DIAPH1: variants seen among roughly 807,000 people sequenced by gnomAD.
The protein encoded by DIAPH1 is diaphanous related formin 1, also known as protein diaphanous homolog 1.
Under a neutral mutation model 140.7 loss-of-function variants are expected in DIAPH1, and 46 were observed. The ratio of observed to expected loss-of-function variants is 0.33; its 90% confidence interval spans 0.26 to 0.42. DIAPH1 has a LOEUF of 0.42. DIAPH1 is among the 10% of genes least tolerant of loss of function. The pLI, the probability that DIAPH1 is intolerant of heterozygous loss-of-function variation, is 1.00. For missense variants in DIAPH1, 1,310 were observed against 1,558.7 expected (o/e 0.84, Z 2.69); for synonymous variants, 565 against 551.6 (o/e 1.02, Z -0.34).
chr5:141,532,232 T>G (rs2099888339), intron 19 of DIAPH1, among the ~76,000 whole-genome samples: 1 of 152,116 alleles, frequency 6.6e-6, no homozygotes, highest in Non-Finnish European at 1.5e-5. Context: ...AGTGCAGTGG[T>G]GCAATCACAG....
At chr5:141,540,050 T>C (rs563233261) in intron 18 of DIAPH1, among the ~76,000 whole-genome samples, 1 of 152,162 alleles carries the variant, frequency 6.6e-6, no homozygotes, top group Non-Finnish European at 1.5e-5. Context: ...TTCCTTACTA[T>C]GGGCATTTAC....
At chr5:141,538,896 C>T (rs1216597798) in intron 18 of DIAPH1, among the ~76,000 whole-genome samples, 1 of 152,134 alleles carries the variant, frequency 6.6e-6, no homozygotes, top group East Asian at 1.9e-4. Flanking sequence ...ATTTTTGCTA[C>T]CAAATTCATA....
intron 6 of DIAPH1, 123 bp from the exon 7 acceptor site, chr5:141,582,498 A>AT: frequency 1.4e-6 from 1 of 739,810 alleles, no homozygotes; most frequent in Non-Finnish European, 2.5e-6. Context: ...ATTTTAGGAA[A>AT]TAGCACCTTG....
At chr5:141,558,280 A>G (rs1022220835) in intron 18 of DIAPH1, 2 of 152,156 alleles carry the variant, frequency 1.3e-5, no homozygotes, top group Non-Finnish European at 1.5e-5. Flanking sequence ...AGTTTCTAGG[A>G]GACAACAGAA....
Position 141,567,753 on chromosome 5 carries a change from C to G in DIAPH1, c.2482+3675G>C, listed in dbSNP as rs185934614. Among the ~76,000 whole-genome samples, 16 of 152,302 alleles carry G rather than the reference C, an allele frequency of 1.1e-4. No homozygotes were observed. The East Asian group carries it at 2.7e-3, about 26-fold the overall frequency. On this transcript the variant is annotated intron_variant, in intron 18 of 27. Coordinates refer to ENST00000389054, the MANE Select transcript of DIAPH1 (RefSeq NM_005219.5). Reference sequence around the variant, plus strand: ...GGAAAAAGAAAAAGACCCTCAGATTCTTTTTGGGAAAGGGGCTCCTGCTGA... The same window carrying G: ...GGAAAAAGAAAAAGACCCTCAGATTGTTTTTGGGAAAGGGGCTCCTGCTGA...
chr5:141,570,738 G>A lies in DIAPH1; in HGVS notation c.2482+690C>T, dbSNP rs1490075250. ...TAAACAAACAAAAATGCTGGAAGAA[G>A]ATAAAAATATGAAATTATTGGGCTA... On this transcript the variant is annotated intron_variant, in intron 18 of 27. Transcript: ENST00000389054. 2.0e-5 allele frequency among the ~76,000 whole-genome samples: 3 copies of A among 152,082 alleles called. No homozygotes were observed. In the East Asian group the frequency reaches 5.8e-4, roughly 29 times the overall value.
chr5:141,591,897 C>T (rs1247456180), intron 1 of DIAPH1, among the ~76,000 whole-genome samples: 1 of 149,848 alleles, frequency 6.7e-6, no homozygotes, highest in Non-Finnish European at 1.5e-5. Context: ...GCCTGACCAA[C>T]ATGGTGAAAC....
Position 141,565,218 on chromosome 5 carries a change from A to G in DIAPH1, c.2482+6210T>C, listed in dbSNP as rs1367153842. The G allele has an allele frequency of 1.3e-5, 2 of 152,222 alleles. No individual in the cohort carries two copies. The highest frequency in any genetic ancestry group is 2.9e-5 in the Non-Finnish European group (2 of 68,030). The allele number at this position is 152,222 out of a possible 1,614,324, so 9.4% of individuals were successfully genotyped here. A position where few individuals can be genotyped will look rare whatever the true frequency, so the allele number is the denominator to read the frequency against. Reference sequence around the variant, plus strand: ...CAAAATACAAAACAGTATATACTGTATAAGATCACACCAATTATATTAAAA... The same window carrying G: ...CAAAATACAAAACAGTATATACTGTGTAAGATCACACCAATTATATTAAAA... On this transcript the variant is annotated intron_variant, in intron 18 of 27. Transcript: ENST00000389054. The surrounding 1 kb of genome is among the most constrained non-coding windows in gnomAD (Gnocchi z 4.3).
At chr5:141,580,407 A>T (rs1401560732) in intron 8 of DIAPH1, among the ~76,000 whole-genome samples, 1 of 152,102 alleles carries the variant, frequency 6.6e-6, no homozygotes, top group African/African-American at 2.4e-5. Context: ...ATATACTTCT[A>T]TATCGTTTGA....
intron 1 of DIAPH1, among the ~76,000 whole-genome samples, chr5:141,591,711 T>C (rs1287588547): frequency 1.2e-5 from 1 of 84,854 alleles, no homozygotes; most frequent in African/African-American, 4.1e-5. Flanking sequence ...TATATATATA[T>C]ATATATATAT....
At chr5:141,578,041 C>T in intron 11 of DIAPH1, 184 bp downstream of exon 11, 1 of 673,986 alleles carries the variant, frequency 1.5e-6, no homozygotes, top group Admixed American at 2.1e-5. Context: ...ACTGACTTCC[C>T]TGATCTATGA....
chr5:141,558,937 T>A (rs1596365541), intron 18 of DIAPH1, among the ~76,000 whole-genome samples: 1 of 145,612 alleles, frequency 6.9e-6, no homozygotes, highest in Admixed American at 7.7e-5. Context: ...AAAAAAAGAC[T>A]CTGGCATCAC....
intron 18 of DIAPH1, among the ~76,000 whole-genome samples, chr5:141,552,676 GGAAACTAA>G (rs1490202562): frequency 6.6e-6 from 1 of 152,096 alleles, no homozygotes; most frequent in Non-Finnish European, 1.5e-5. Flanking sequence ...AGGAACAATA[GGAAACTAA>G]TACACTCAAT....
intron 19 of DIAPH1, among the ~76,000 whole-genome samples, chr5:141,533,569 GGGCAT>G (rs1472477439): frequency 6.6e-6 from 1 of 152,140 alleles, no homozygotes; most frequent in Non-Finnish European, 1.5e-5. Flanking sequence ...AGTGAAAGCT[GGGCAT>G]GGTAGCTTAC....
At chr5:141,539,644 T>G (rs1012590204) in intron 18 of DIAPH1, among the ~76,000 whole-genome samples, 24 of 152,250 alleles carry the variant, frequency 1.6e-4, no homozygotes, top group Middle Eastern at 3.4e-3. Flanking sequence ...GTTTATTTTT[T>G]CTTGCGTCAG....
chr5:141,587,413 G>A (rs972988437), intron 2 of DIAPH1: 3 of 588,784 alleles, frequency 5.1e-6, no homozygotes, highest in Admixed American at 5.9e-5. Flanking sequence ...AAAGATAAGA[G>A]GACCAAAGTA....
intron 1 of DIAPH1, among the ~76,000 whole-genome samples, chr5:141,603,458 T>C (rs1248574607): frequency 1.3e-5 from 2 of 152,338 alleles, no homozygotes; most frequent in East Asian, 3.9e-4. Flanking sequence ...TTATTCCTAA[T>C]TAAAAGAGTT....
chr5:141,560,683 G>A (rs1339893440), intron 18 of DIAPH1: 1 of 322,006 alleles, frequency 3.1e-6, no homozygotes, highest in Non-Finnish European at 6.3e-6. Flanking sequence ...TCTCACCCAC[G>A]CTAACCTAAA....
intron 1 of DIAPH1, among the ~76,000 whole-genome samples, chr5:141,604,707 T>C (rs2099900670): frequency 6.6e-6 from 1 of 152,214 alleles, no homozygotes; most frequent in Non-Finnish European, 1.5e-5. Context: ...ATCTCTTTTT[T>C]GTATCCTCAC....
Sources: gnomAD v4.1 joint callset for allele counts (sites outside exome capture counted in the v4.1 genomes callset) on GRCh38, gnomAD v4.1.1 for gene constraint, Gnocchi (gnomAD v3.1) non-coding constraint, MANE v1.5 for transcripts, NCBI Gene and HGNC (gene_info 2026-07-23, HGNC 2026-07-21) for gene names.